The following ZNF655 variants were observed in gnomAD, a reference collection of about 807,000 sequenced individuals.
The protein encoded by ZNF655 is Vav-interacting Kruppel-like protein 1.
ZNF655 carries 3 observed loss-of-function variants against 6.6 expected under a neutral mutation model. That is an observed-to-expected ratio of 0.46 (90% confidence interval 0.21 to 1.18). The LOEUF (loss-of-function observed/expected upper bound fraction) is 1.18. Ranked by LOEUF, ZNF655 falls within the 50% of genes most tolerant of loss-of-function variation. ZNF655 has a pLI of 0.24. For synonymous variants in ZNF655, 178 were observed against 195.0 expected, an observed-to-expected ratio of 0.91 and a Z score of 0.73; for missense variants, 526 against 572.3, an observed-to-expected ratio of 0.92 and a Z score of 0.83.
Position 99,573,333 on chromosome 7 carries a change from G to C in ZNF655, c.1225G>C (p.Glu409Gln), listed in dbSNP as rs777845761. The change falls in exon 3 of 3, where the codon GAA becomes CAA. Residue 409 changes from glutamate to glutamine, a missense_variant. By Grantham distance (29) the Glu-to-Gln change is conservative. Coordinates refer to ENST00000252713, the MANE Select transcript of ZNF655 (RefSeq NM_138494.3). ...AATTCACACAGGAGAGAAAGCACAT[G>C]AATGTAATGAATGTGGAAAAGCTTT... ...QRIHTGEKAH[E>Q]CNECGKAFSQ... is the part of the protein sequence containing the mutation. 6 of 1,614,180 alleles carry C rather than the reference G, an allele frequency of 3.7e-6. No individual in the cohort carries two copies. The Admixed American group carries it at 1.0e-4, about 27-fold the overall frequency.
chr7:99,560,710 G>A lies in ZNF655; in HGVS notation c.136+15G>A, dbSNP rs759508452. ...ACTCACTGGGGGTAAGGCAGAGAAA[G>A]CACTTCCGTCTGGGAGAGTGGGAGT... is the stretch of plus-strand genomic sequence containing the variant. On this transcript the variant is annotated intron_variant, in intron 2 of 2. Transcript: ENST00000252713. The A allele has an allele frequency of 1.9e-6, 3 of 1,612,614 alleles. No individual in the cohort carries two copies. Among genetic ancestry groups the A allele is most frequent in the Admixed American group, 1.7e-5 (1 of 59,926 alleles).
intron 2 of ZNF655, chr7:99,562,308 C>G (rs548780562): frequency 3.8e-6 from 6 of 1,598,220 alleles, no homozygotes; most frequent in Non-Finnish European, 5.1e-6. Flanking sequence ...GATCTTCATT[C>G]TCTGGCCATG....
At chr7:99,561,899 C>G (rs141089610) in intron 2 of ZNF655, 27,304 of 1,572,828 alleles carry the variant, frequency 0.017, 262 homozygotes, top group Non-Finnish European at 0.02. Flanking sequence ...TCCACCTGTT[C>G]CTCAGGTGCC....
rs1341110410 is a variant in ZNF655 at position 99,575,777 on chromosome 7, G to T, written c.*2193G>T. 1.3e-5 allele frequency: 2 copies of T among 152,006 alleles called. No individual in the cohort carries two copies. Among genetic ancestry groups the T allele is most frequent in the Non-Finnish European group, 2.9e-5 (2 of 68,004 alleles). 9.4% of individuals were successfully genotyped at this position (152,006 alleles called of 1,614,324 possible). A position where few individuals can be genotyped will look rare whatever the true frequency, so the allele number is the denominator to read the frequency against. On this transcript the variant is annotated 3_prime_UTR_variant, in exon 3 of 3. Transcript: ENST00000252713. ...TCCAGGACAGTATTTGAAGTGTGAG[G>T]GCTTTGTGTATAGTTGTTTATCCAT...
intron 2 of ZNF655, chr7:99,570,461 T>G (rs1803956615): frequency 1.3e-5 from 2 of 152,210 alleles, no homozygotes; most frequent in African/African-American, 4.8e-5. Context: ...GGGGCAGCTG[T>G]CAGTTCTTCA....
At chr7:99,559,951 C>T (rs1410922777) in intron 1 of ZNF655, among the ~76,000 whole-genome samples, 1 of 151,902 alleles carries the variant, frequency 6.6e-6, no homozygotes, top group African/African-American at 2.4e-5. Context: ...TTAAAGTTTC[C>T]ACAGAAAGCT....
At chr7:99,563,837 C>T in intron 2 of ZNF655, 1 of 1,592,246 alleles carries the variant, frequency 6.3e-7, no homozygotes. Flanking sequence ...GTGTGTTTTC[C>T]ATTCCTGGCT....
intron 2 of ZNF655, among the ~76,000 whole-genome samples, chr7:99,566,712 C>T (rs1292929067): frequency 1.3e-5 from 2 of 152,016 alleles, no homozygotes; most frequent in East Asian, 1.9e-4. Context: ...AGGCCTGTAC[C>T]ATCATGCTAA....
At chr7:99,564,220 T>C in intron 2 of ZNF655, 1 of 1,365,616 alleles carries the variant, frequency 7.3e-7, no homozygotes, top group Non-Finnish European at 9.4e-7. Flanking sequence ...TCAGAAACCA[T>C]GGTTGGTGGT....
rs190228830 is a variant in ZNF655 at position 99,568,827 on chromosome 7, C to G, written c.137-3418C>G. Among the ~76,000 whole-genome samples, 7 of 152,116 alleles carry G rather than the reference C, an allele frequency of 4.6e-5. No individual in the cohort carries two copies. The East Asian group carries it at 1.4e-3, about 30-fold the overall frequency. On this transcript the variant is annotated intron_variant, in intron 2 of 2. Transcript: ENST00000252713. Reference sequence around the variant, plus strand: ...TGACTGACAGGATCTCACTCTCACCCAGGCTGGAGTACAGTGGTGTGATCT... The same window carrying G: ...TGACTGACAGGATCTCACTCTCACCGAGGCTGGAGTACAGTGGTGTGATCT...
chr7:99,565,543 A>G (rs527422565), intron 2 of ZNF655, among the ~76,000 whole-genome samples: 1 of 152,338 alleles, frequency 6.6e-6, no homozygotes, highest in Admixed American at 6.5e-5. Flanking sequence ...AGCAGTAAAT[A>G]TACAGAGTAC....
chr7:99,562,924 G>T (rs1022518570), intron 2 of ZNF655, among the ~76,000 whole-genome samples: 2 of 152,134 alleles, frequency 1.3e-5, no homozygotes, highest in Non-Finnish European at 2.9e-5. Flanking sequence ...CTAGGAAAAA[G>T]AAATGCCGTT....
In ZNF655 at chr7:99,572,526, C is replaced by T; in HGVS notation, c.418C>T (p.Leu140=). Residue 140 remains leucine, a synonymous_variant, in exon 3 of 3, where the codon CTG becomes TTG. Transcript: ENST00000252713. ...TCATGAACCCGAAAAAAGCTTCAGT[C>T]TGGACTCTACTATTGATGCAGATCA... is the stretch of plus-strand genomic sequence containing the variant. ...ECHEPEKSFS[L]DSTIDADQRV... 6.2e-7 allele frequency: 1 copy of T among 1,613,962 alleles called. No homozygotes were observed. Among genetic ancestry groups the T allele is most frequent in the South Asian group, 1.1e-5 (1 of 91,066 alleles).
At chr7:99,564,781 A>C (rs1309764524) in intron 2 of ZNF655, 12 of 883,772 alleles carry the variant, frequency 1.4e-5, no homozygotes, top group African/African-American at 1.8e-5. Flanking sequence ...TATAGACTGA[A>C]CTTTATCCCA....
At chr7:99,564,183 A>G in intron 2 of ZNF655, 5 of 1,416,264 alleles carry the variant, frequency 3.5e-6, no homozygotes, top group Non-Finnish European at 4.6e-6. Context: ...CTCTGTTGCA[A>G]CCAGATATGT....
At chr7:99,561,228 C>T (rs1011945988) in intron 2 of ZNF655, among the ~76,000 whole-genome samples, 45 of 152,328 alleles carry the variant, frequency 3.0e-4, no homozygotes, top group African/African-American at 1.1e-3. Context: ...ATTTTGACTA[C>T]GCAGTCACAC....
intron 2 of ZNF655, among the ~76,000 whole-genome samples, chr7:99,568,295 G>T (rs1216248213): frequency 1.4e-5 from 2 of 147,786 alleles, no homozygotes; most frequent in Non-Finnish European, 3.0e-5. Flanking sequence ...GAGTCTCCCA[G>T]GCTGGAGTGT....
chr7:99,564,103 AC>A lies in ZNF655; in HGVS notation c.136+3410del, dbSNP rs764624254. On this transcript the variant is annotated intron_variant, in intron 2 of 2. Transcript: ENST00000252713. ...TGGAATAGAAGCTCCCCAGGATGCC[AC>A]CACTGTGTAAAATCGCAGCTCCTCA... The A allele has an allele frequency of 9.0e-6, 14 of 1,547,108 alleles. No homozygotes were observed. The South Asian group carries it at 1.5e-4, about 16-fold the overall frequency.
At chr7:99,562,452 A>G (rs773629568) in intron 2 of ZNF655, 1 of 1,614,148 alleles carries the variant, frequency 6.2e-7, no homozygotes, top group South Asian at 1.1e-5. Flanking sequence ...GGACCTCTAC[A>G]GAGAAGTGAT....
Sources: gnomAD v4.1 joint callset for allele counts (sites outside exome capture counted in the v4.1 genomes callset) on GRCh38, gnomAD v4.1.1 for gene constraint, MANE v1.5 for transcripts, NCBI Gene and HGNC (gene_info 2026-07-23, HGNC 2026-07-21) for gene names.